GPC5: variants seen among roughly 807,000 people sequenced by gnomAD.
GPC5 encodes glypican-5.
A neutral mutation model predicts 53.9 loss-of-function variants in GPC5; 47 were observed. That is an observed-to-expected ratio of 0.87 (90% CI 0.69 to 1.11). GPC5 has a LOEUF of 1.11. GPC5 is among the 50% of genes most tolerant of loss of function. The pLI, the probability that GPC5 is intolerant of heterozygous loss-of-function variation, is 0.00. For synonymous variants in GPC5, 286 were observed against 263.3 expected, an observed-to-expected ratio of 1.09 and a Z score of -0.84; for missense variants, 748 against 713.1, an observed-to-expected ratio of 1.05 and a Z score of -0.56.
At chr13:92,301,502 T>C (rs376606675) in intron 7 of GPC5, among the ~76,000 whole-genome samples, 130 of 152,346 alleles carry the variant, frequency 8.5e-4, no homozygotes, top group African/African-American at 2.9e-3. Context: ...CTTTCTGACA[T>C]AGTACTTTTT....
At chr13:92,612,340 G>T (rs1167527651) in intron 7 of GPC5, among the ~76,000 whole-genome samples, 2 of 151,972 alleles carry the variant, frequency 1.3e-5, no homozygotes, top group Admixed American at 1.3e-4. Flanking sequence ...ATTATCATTA[G>T]TATAATTTAT....
chr13:92,655,739 T>A (rs1478021450), intron 7 of GPC5, among the ~76,000 whole-genome samples: 1 of 152,186 alleles, frequency 6.6e-6, no homozygotes, highest in Non-Finnish European at 1.5e-5. Context: ...ACAGACCAGA[T>A]GCTTCTATTA....
At chr13:92,193,131 C>T (rs565756434) in intron 7 of GPC5, among the ~76,000 whole-genome samples, 50 of 152,026 alleles carry the variant, frequency 3.3e-4, no homozygotes, top group East Asian at 2.9e-3. Context: ...GCCGAGATGG[C>T]GCCACTGCAC....
intron 2 of GPC5, among the ~76,000 whole-genome samples, chr13:91,606,164 AG>A (rs1488288892): frequency 0.01 from 1,527 of 146,222 alleles, 18 homozygotes; most frequent in Middle Eastern, 0.032. Context: ...TTTAGCATGA[AG>A]GGTTGTTGAA....
At chr13:91,857,499 G>T (rs936641698) in intron 5 of GPC5, among the ~76,000 whole-genome samples, 1 of 150,418 alleles carries the variant, frequency 6.6e-6, no homozygotes. Context: ...TCACATATTG[G>T]TCTTATGTCT....
At chr13:91,714,327 TA>T (rs1860568279) in intron 3 of GPC5, among the ~76,000 whole-genome samples, 1 of 152,170 alleles carries the variant, frequency 6.6e-6, no homozygotes, top group Non-Finnish European at 1.5e-5. Context: ...TGGAAAGAAG[TA>T]AATATCCAAC....
At chr13:91,771,146 A>T (rs1236486772) in intron 5 of GPC5, among the ~76,000 whole-genome samples, 1 of 152,254 alleles carries the variant, frequency 6.6e-6, no homozygotes, top group Non-Finnish European at 1.5e-5. Context: ...AAAATCTGAT[A>T]GAAAATTAGG....
At chr13:92,381,889 T>TATATATCATATATATGA (rs753025655) in intron 7 of GPC5, among the ~76,000 whole-genome samples, 3 of 122,174 alleles carry the variant, frequency 2.5e-5, no homozygotes, top group African/African-American at 9.3e-5. Flanking sequence ...ATTATATATA[T>TATATATCATATATATGA]TATATATAAT....
At chr13:91,478,385 A>G (rs962627135) in intron 2 of GPC5, among the ~76,000 whole-genome samples, 25 of 152,128 alleles carry the variant, frequency 1.6e-4, no homozygotes, top group South Asian at 1.5e-3. Context: ...TGAGTTTCTC[A>G]TCTTTAAAAT....
chr13:91,641,816 A>T (rs1462622198), intron 2 of GPC5, among the ~76,000 whole-genome samples: 2 of 152,322 alleles, frequency 1.3e-5, no homozygotes, highest in East Asian at 3.9e-4. Context: ...CCTGGAAGCT[A>T]TAGGGAACAC....
intron 7 of GPC5, among the ~76,000 whole-genome samples, chr13:92,338,299 T>C (rs971841345): frequency 6.6e-6 from 1 of 152,054 alleles, no homozygotes; most frequent in African/African-American, 2.4e-5. Context: ...CTGGCAAGGA[T>C]GTGGAGCAAC....
chr13:92,554,600 C>A (rs1262418074), intron 7 of GPC5, among the ~76,000 whole-genome samples: 1 of 148,238 alleles, frequency 6.7e-6, no homozygotes, highest in Non-Finnish European at 1.5e-5. Flanking sequence ...TTGAAAAAAA[C>A]TAACAAATAA....
At chr13:91,468,371 A>T (rs1882382597) in intron 2 of GPC5, among the ~76,000 whole-genome samples, 1 of 152,172 alleles carries the variant, frequency 6.6e-6, no homozygotes, top group Admixed American at 6.5e-5. Flanking sequence ...TTCATAATGT[A>T]ACCTTATTTG....
intron 7 of GPC5, among the ~76,000 whole-genome samples, chr13:92,693,208 G>A (rs1457449611): frequency 1.3e-5 from 2 of 152,028 alleles, no homozygotes; most frequent in African/African-American, 4.8e-5. Flanking sequence ...GTTCTTTATA[G>A]CAATGTGAAA....
At chr13:92,063,292 A>G (rs7989961) in intron 6 of GPC5, among the ~76,000 whole-genome samples, 84,299 of 151,486 alleles carry the variant, frequency 0.56, 23,731 homozygotes, top group East Asian at 0.79. Flanking sequence ...TTACATCATT[A>G]TTAATAATCA....
At position 92,263,468 on chromosome 13, in the gene GPC5, T is replaced by C. The variant is rs370327507; in HGVS notation, c.1561+118479T>C. Among the ~76,000 whole-genome samples, 36 of 152,296 alleles carry C rather than the reference T, an allele frequency of 2.4e-4. No individual in the cohort carries two copies. The East Asian group carries it at 6.9e-3, about 29-fold the overall frequency. On this transcript the variant is annotated intron_variant, in intron 7 of 7. Coordinates refer to ENST00000377067, the MANE Select transcript of GPC5 (RefSeq NM_004466.6). Reference sequence around the variant, plus strand: ...GTATTTATTTGTATCACTTTTCCTCTCTTGTTTCTATTTTTTAAGAAGAAA... The same window carrying C: ...GTATTTATTTGTATCACTTTTCCTCCCTTGTTTCTATTTTTTAAGAAGAAA...
intron 7 of GPC5, among the ~76,000 whole-genome samples, chr13:92,776,715 A>G (rs966013606): frequency 9.2e-5 from 14 of 152,140 alleles, no homozygotes; most frequent in Non-Finnish European, 7.4e-5. Flanking sequence ...CAATCACCCT[A>G]TCAGATATAG....
chr13:92,703,898 G>T (rs1887852426), intron 7 of GPC5, among the ~76,000 whole-genome samples: 1 of 151,840 alleles, frequency 6.6e-6, no homozygotes, highest in African/African-American at 2.4e-5. Flanking sequence ...ATATTTAATA[G>T]ATTTTTCAGA....
chr13:92,775,120 AT>A (rs1450932409), intron 7 of GPC5, among the ~76,000 whole-genome samples: 2 of 152,204 alleles, frequency 1.3e-5, no homozygotes, highest in African/African-American at 2.4e-5. Context: ...AATATCATTC[AT>A]TTATGGTCTT....
Sources: allele counts gnomAD v4.1 joint callset (sites outside exome capture counted in the v4.1 genomes callset), GRCh38; gene constraint gnomAD v4.1.1; transcripts MANE v1.5; gene names NCBI Gene and HGNC (gene_info 2026-07-23, HGNC 2026-07-21).